Variants in TEKT5 observed in about 807,000 individuals in gnomAD.
TEKT5 encodes tektin 5.
TEKT5 carries 52 observed loss-of-function variants against 48.7 expected under a neutral mutation model. The ratio of observed to expected loss-of-function variants is 1.07; its 90% CI spans 0.86 to 1.35. TEKT5 has a LOEUF of 1.35. Among genes scored for constraint, TEKT5 ranks in the 40% most tolerant of loss-of-function variants. TEKT5 has a pLI of 0.00. For synonymous variants in TEKT5, 318 were observed against 267.6 expected, an observed-to-expected ratio of 1.19 and a Z score of -1.84; for missense variants, 831 against 641.6, an observed-to-expected ratio of 1.30 and a Z score of -3.19.
intron 1 of TEKT5, chr16:10,690,809 A>G: frequency 2.0e-6 from 2 of 984,742 alleles, no homozygotes; most frequent in Non-Finnish European, 2.4e-6. Context: ...CCAGCCCGTG[A>G]TGTCACAAAG....
At chr16:10,657,119 C>CTT (rs57742183) in intron 5 of TEKT5, among the ~76,000 whole-genome samples, 9 of 135,420 alleles carry the variant, frequency 6.6e-5, no homozygotes, top group African/African-American at 8.2e-5. Context: ...TTAGGTCTGC[C>CTT]TTTTTTTTTT....
At chr16:10,675,932 G>A in intron 5 of TEKT5, 27 bp downstream of exon 5, 2 of 1,608,088 alleles carry the variant, frequency 1.2e-6, no homozygotes, top group Non-Finnish European at 1.7e-6. Context: ...GGCAGAGAAG[G>A]CAGGGGTCCT....
At chr16:10,680,970 T>C (rs1898736280) in intron 4 of TEKT5, among the ~76,000 whole-genome samples, 1 of 149,486 alleles carries the variant, frequency 6.7e-6, no homozygotes, top group Non-Finnish European at 1.5e-5. Flanking sequence ...GTAACTAACC[T>C]GCACATTGTG....
chr16:10,631,362 G>C (rs1897839096), intron 6 of TEKT5, among the ~76,000 whole-genome samples: 1 of 143,686 alleles, frequency 7.0e-6, no homozygotes. Context: ...TGGGGGCGGG[G>C]GAGGGTTGAA....
chr16:10,689,201 G>A, intron 3 of TEKT5, 52 bp downstream of exon 3: 2 of 1,488,394 alleles, frequency 1.3e-6, no homozygotes, highest in Non-Finnish European at 1.8e-6. Context: ...AAATCTGAGA[G>A]TCCTAAAACA....
At chr16:10,682,434 C>G (rs1470568635) in intron 3 of TEKT5, among the ~76,000 whole-genome samples, 1 of 152,184 alleles carries the variant, frequency 6.6e-6, no homozygotes, top group Non-Finnish European at 1.5e-5. Flanking sequence ...CTCAAGCACT[C>G]TTCCCACCTC....
chr16:10,660,704 T>TGTGTGTGTG (rs1567230482), intron 5 of TEKT5, among the ~76,000 whole-genome samples: 1 of 138,002 alleles, frequency 7.2e-6, no homozygotes, highest in African/African-American at 2.7e-5. Context: ...TGTGTGTGTG[T>TGTGTGTGTG]TATTTATTTA....
At chr16:10,689,804 C>T (rs896190749) in intron 2 of TEKT5, 138 bp downstream of exon 2, 83 of 772,968 alleles carry the variant, frequency 1.1e-4, no homozygotes, top group Middle Eastern at 3.7e-4. Context: ...TAGACCTCCA[C>T]CCATGCTTCC....
chr16:10,694,244 G>A lies in TEKT5; in HGVS notation c.564+66C>T, dbSNP rs550400422. On this transcript the variant is annotated intron_variant, in intron 1 of 6. Coordinates refer to ENST00000283025, the MANE Select transcript of TEKT5 (RefSeq NM_144674.2). ...CTGCCACCTTCATCTTCAGTCAAGG[G>A]AAGCAGAATGAGCGTGCAGTATCCC... 38 of 1,474,044 alleles carry A rather than the reference G, an allele frequency of 2.6e-5. 1 individual carries two copies. Among genetic ancestry groups the A allele is most frequent in the African/African-American group, 2.0e-4 (14 of 71,272 alleles). 91.3% of individuals were successfully genotyped at this position (1,474,044 alleles called of 1,614,324 possible).
At chr16:10,658,189 C>A (rs1898295641) in intron 5 of TEKT5, among the ~76,000 whole-genome samples, 1 of 152,138 alleles carries the variant, frequency 6.6e-6, no homozygotes, top group African/African-American at 2.4e-5. Flanking sequence ...TATTTGTCAA[C>A]CTCTGAAAAG....
At chr16:10,635,695 T>G in intron 6 of TEKT5, 69 bp downstream of exon 6, 912 of 1,539,070 alleles carry the variant, frequency 5.9e-4, no homozygotes, top group Non-Finnish European at 7.1e-4. Context: ...TAGAAGCTCC[T>G]GAGACTCACC....
chr16:10,688,710 G>T (rs1044867397), intron 3 of TEKT5, among the ~76,000 whole-genome samples: 4 of 152,206 alleles, frequency 2.6e-5, no homozygotes, highest in African/African-American at 9.7e-5. Flanking sequence ...TTATGTGAGG[G>T]GCCCCCAGGC....
At chr16:10,659,361 G>A (rs765078288) in intron 5 of TEKT5, among the ~76,000 whole-genome samples, 6 of 152,152 alleles carry the variant, frequency 3.9e-5, no homozygotes, top group Non-Finnish European at 8.8e-5. Flanking sequence ...GTTCTTTGCT[G>A]TGTTATACCT....
chr16:10,692,080 C>T (rs982780515), intron 1 of TEKT5, among the ~76,000 whole-genome samples: 1 of 152,064 alleles, frequency 6.6e-6, no homozygotes, highest in Non-Finnish European at 1.5e-5. Flanking sequence ...GGAGAGGCTG[C>T]CTGGATTGTG....
chr16:10,654,251 G>A (rs547681391), intron 5 of TEKT5, among the ~76,000 whole-genome samples: 7 of 151,998 alleles, frequency 4.6e-5, no homozygotes, highest in South Asian at 2.1e-4. Flanking sequence ...AGGTTTTCCC[G>A]CGTTGGCCAG....
chr16:10,676,292 A>C (rs1279153430), intron 4 of TEKT5, 111 bp from the exon 5 acceptor site: 2 of 1,027,662 alleles, frequency 1.9e-6, no homozygotes, highest in Non-Finnish European at 2.9e-6. Flanking sequence ...TGTCCTGTGC[A>C]TTGTAGGGTG....
intron 5 of TEKT5, among the ~76,000 whole-genome samples, chr16:10,656,829 C>T (rs1382726616): frequency 6.6e-6 from 1 of 151,114 alleles, no homozygotes; most frequent in Admixed American, 6.6e-5. Context: ...CAGCTTTGAT[C>T]TCCTGGGCTC....
intron 5 of TEKT5, among the ~76,000 whole-genome samples, chr16:10,659,385 A>G (rs1567230056): frequency 6.6e-6 from 1 of 152,034 alleles, no homozygotes; most frequent in Non-Finnish European, 1.5e-5. Context: ...TTATTTATTT[A>G]TTTACTTATT....
At chr16:10,673,719 C>T (rs915400852) in intron 5 of TEKT5, among the ~76,000 whole-genome samples, 2 of 142,286 alleles carry the variant, frequency 1.4e-5, no homozygotes, top group African/African-American at 5.3e-5. Flanking sequence ...GGTGAGATCT[C>T]GGCTCATTGC....
Sources: allele counts gnomAD v4.1 joint callset (sites outside exome capture counted in the v4.1 genomes callset), GRCh38; gene constraint gnomAD v4.1.1; transcripts MANE v1.5; gene names NCBI Gene and HGNC (gene_info 2026-07-23, HGNC 2026-07-21).